HIRA: variants seen among roughly 807,000 people sequenced by gnomAD.
HIRA encodes the protein histone cell cycle regulator.
Under a neutral mutation model 126.6 loss-of-function variants are expected in HIRA, and 13 were observed. That is an observed-to-expected ratio of 0.10 (90% CI 0.07 to 0.16). The LOEUF is 0.16. HIRA is among the 10% of genes least tolerant of loss of function. The pLI, the probability that HIRA is intolerant of heterozygous loss-of-function variation, is 1.00. For synonymous variants in HIRA, 511 were observed against 520.0 expected (o/e 0.98, Z 0.24); for missense variants, 834 against 1,314.4 (o/e 0.63, Z 5.65).
In HIRA at chr22:19,417,711, T is replaced by G. The variant is rs115286115; in HGVS notation, c.38-6933A>C. The stretch of plus-strand genomic sequence containing the variant: ...GGTGTACAGAAATTGTAACTCTTGT[T>G]AAAAATATAATTACCATATGACCTG... On this transcript the variant is annotated intron_variant, in intron 1 of 24. Coordinates refer to ENST00000263208, the MANE Select transcript of HIRA (RefSeq NM_003325.4). 9.1e-3 allele frequency among the ~76,000 whole-genome samples: 1,391 copies of G among 152,254 alleles called. 20 individuals carry two copies. The highest frequency in any genetic ancestry group is 0.031 in the African/African-American group (1,273 of 41,548).
intron 7 of HIRA, among the ~76,000 whole-genome samples, chr22:19,394,853 T>G (rs1438643216): frequency 1.3e-5 from 2 of 152,238 alleles, no homozygotes; most frequent in Admixed American, 1.3e-4. Flanking sequence ...CCAATTCTTC[T>G]GTGTAGCACC....
chr22:19,430,926 C>A (rs2089530823), intron 1 of HIRA, among the ~76,000 whole-genome samples: 1 of 152,182 alleles, frequency 6.6e-6, no homozygotes, highest in East Asian at 1.9e-4. Context: ...CGCGGGGGCC[C>A]GGGGCCCCCA....
At chr22:19,341,421 C>CCTGGGTGA (rs1407803336) in intron 24 of HIRA, among the ~76,000 whole-genome samples, 2 of 146,806 alleles carry the variant, frequency 1.4e-5, no homozygotes, top group Non-Finnish European at 3.0e-5. Flanking sequence ...TGCACTCCAA[C>CCTGGGTGA]CTGGGTGACA....
chr22:19,399,771 A>G (rs5748179), intron 5 of HIRA, among the ~76,000 whole-genome samples: 20,817 of 152,226 alleles, frequency 0.14, 2,849 homozygotes, highest in African/African-American at 0.35. Flanking sequence ...TATTTATTCA[A>G]TACAATTTTA....
intron 19 of HIRA, 29 bp downstream of exon 19, chr22:19,356,861 G>A (rs891365997): frequency 6.2e-7 from 1 of 1,610,990 alleles, no homozygotes; most frequent in Non-Finnish European, 8.5e-7. Flanking sequence ...CCTGGCTGAA[G>A]CCCACCCCAC....
At chr22:19,423,745 A>G (rs2146259022) in intron 1 of HIRA, among the ~76,000 whole-genome samples, 1 of 152,302 alleles carries the variant, frequency 6.6e-6, no homozygotes, top group Non-Finnish European at 1.5e-5. Context: ...TAATGCATCG[A>G]GGCAGACAAT....
intron 17 of HIRA, 80 bp from the exon 18 acceptor site, chr22:19,359,564 G>A (rs1440555451): frequency 1.4e-6 from 2 of 1,388,122 alleles, no homozygotes; most frequent in East Asian, 6.0e-5. Flanking sequence ...GTAGCCTGGG[G>A]CCCCAAGGCA....
chr22:19,388,671 C>T, intron 9 of HIRA, 117 bp from the exon 10 acceptor site: 2 of 760,626 alleles, frequency 2.6e-6, no homozygotes, highest in South Asian at 3.0e-5. Context: ...ATATTTAAGG[C>T]ATCTTCAACT....
intron 17 of HIRA, among the ~76,000 whole-genome samples, chr22:19,360,576 G>A (rs146941928): frequency 1.1e-4 from 16 of 152,258 alleles, no homozygotes; most frequent in South Asian, 2.1e-4. Flanking sequence ...GAAGTGACCC[G>A]CAAGCAGGGT....
chr22:19,398,183 AC>A (rs148433862), intron 5 of HIRA, 96 bp from the exon 6 acceptor site: 9,714 of 818,662 alleles, frequency 0.012, 104 homozygotes, highest in Non-Finnish European at 0.014. Flanking sequence ...GACCATCATA[AC>A]CACTCTGGTA....
intron 1 of HIRA, among the ~76,000 whole-genome samples, chr22:19,413,897 C>T (rs1034425514): frequency 6.6e-5 from 10 of 151,940 alleles, no homozygotes; most frequent in African/African-American, 1.9e-4. Context: ...GGGGTAATCC[C>T]GGCCACCGTG....
intron 21 of HIRA, 94 bp from the exon 22 acceptor site, chr22:19,354,212 A>G: frequency 7.6e-7 from 1 of 1,315,328 alleles, no homozygotes; most frequent in Non-Finnish European, 1.0e-6. Flanking sequence ...GAGGCCACAG[A>G]GAAGCAGCCC....
intron 9 of HIRA, among the ~76,000 whole-genome samples, chr22:19,389,373 T>C (rs371558477): frequency 4.3e-4 from 65 of 152,262 alleles, no homozygotes; most frequent in African/African-American, 1.4e-3. Context: ...CTGGCTACCC[T>C]GCTGGCTGGC....
chr22:19,363,637 C>T (rs1252683418), intron 15 of HIRA, among the ~76,000 whole-genome samples: 2 of 152,146 alleles, frequency 1.3e-5, no homozygotes, highest in African/African-American at 2.4e-5. Context: ...GTGGCTCTTT[C>T]CTGTAATTCC....
intron 19 of HIRA, 135 bp from the exon 20 acceptor site, chr22:19,356,423 C>T: frequency 1.4e-6 from 1 of 697,924 alleles, no homozygotes; most frequent in East Asian, 2.7e-5. Context: ...GGGCTCTGGG[C>T]TACGAGTGGC....
intron 13 of HIRA, among the ~76,000 whole-genome samples, chr22:19,378,770 T>C (rs2089042569): frequency 6.6e-6 from 1 of 152,232 alleles, no homozygotes; most frequent in Non-Finnish European, 1.5e-5. Context: ...TAATTGTCAT[T>C]ACACCTAAGA....
chr22:19,341,325 C>T (rs187907864), intron 24 of HIRA, among the ~76,000 whole-genome samples: 12 of 151,960 alleles, frequency 7.9e-5, no homozygotes, highest in Admixed American at 7.9e-4. Context: ...CTGGCACATG[C>T]TGTAGTCCCA....
intron 24 of HIRA, among the ~76,000 whole-genome samples, chr22:19,340,327 G>A (rs1222785475): frequency 6.6e-6 from 1 of 151,716 alleles, no homozygotes; most frequent in Non-Finnish European, 1.5e-5. Flanking sequence ...GCATGCCTTC[G>A]ATTAAAGCCC....
chr22:19,394,491 C>T lies in HIRA; in HGVS notation c.673G>A (p.Val225Met). ...TCAGGTGACCAGCTGAGCCGCAACA[C>T]ATGGGTCGTTCCTCCACACTGAAAG... is the stretch of plus-strand genomic sequence containing the variant. ...PFDECGGTTH[V>M]LRLSWSPDGH... Residue 225 changes from valine to methionine, a missense_variant, in exon 8 of 25, where the codon GTG becomes ATG. Coordinates refer to ENST00000263208, the MANE Select transcript of HIRA (RefSeq NM_003325.4). 1 of 1,614,144 alleles carries T rather than the reference C, an allele frequency of 6.2e-7. No homozygotes were observed. Among genetic ancestry groups the T allele is most frequent in the South Asian group, 1.1e-5 (1 of 91,078 alleles).
Sources: allele counts gnomAD v4.1 joint callset (sites outside exome capture counted in the v4.1 genomes callset), GRCh38; gene constraint gnomAD v4.1.1; transcripts MANE v1.5; gene names NCBI Gene and HGNC (gene_info 2026-07-23, HGNC 2026-07-21).